UNC5C: variants seen among roughly 807,000 people sequenced by gnomAD.
UNC5C encodes unc-5 netrin receptor C.
A neutral mutation model predicts 99.8 loss-of-function variants in UNC5C; 47 were observed. The ratio of observed to expected loss-of-function variants is 0.47; its 90% confidence interval spans 0.37 to 0.60. The LOEUF (loss-of-function observed/expected upper bound fraction) is 0.60. Ranked by LOEUF, UNC5C falls within the 20% of genes least tolerant of loss-of-function variation. UNC5C has a pLI of 0.00. For synonymous variants in UNC5C, 487 were observed against 452.2 expected (o/e 1.08, Z -0.98); for missense variants, 1,062 against 1,165.9 (o/e 0.91, Z 1.30).
At chr4:95,491,152 G>C (rs1031166208) in intron 1 of UNC5C, among the ~76,000 whole-genome samples, 2 of 151,578 alleles carry the variant, frequency 1.3e-5, no homozygotes, top group Admixed American at 6.6e-5. Flanking sequence ...GGCCAAAAAA[G>C]TGGGTATATA....
chr4:95,548,846 A>G lies in UNC5C; in HGVS notation c.12T>C (p.Gly4=), dbSNP rs763567265. 6.2e-7 allele frequency: 1 copy of G among 1,612,902 alleles called. No individual in the cohort carries two copies. The highest frequency in any genetic ancestry group is 8.5e-7 in the Non-Finnish European group (1 of 1,179,844). ...CGCAGCGGGCCGCTGTCGCCCGCAG[A>G]CCTTTCCTCATCGTAGACAGAGGTG... MRK[G]LRATAARCGL... Residue 4 remains glycine, a synonymous_variant, in exon 1 of 16, where the codon GGT becomes GGC. Coordinates refer to ENST00000453304, the MANE Select transcript of UNC5C (RefSeq NM_003728.4).
intron 1 of UNC5C, among the ~76,000 whole-genome samples, chr4:95,342,773 T>A (rs1265824653): frequency 1.3e-5 from 2 of 151,178 alleles, no homozygotes; most frequent in Non-Finnish European, 3.0e-5. Flanking sequence ...TTTCTGAAAC[T>A]GCCCTGGGCC....
intron 1 of UNC5C, among the ~76,000 whole-genome samples, chr4:95,349,264 C>G (rs1018545146): frequency 1.4e-5 from 2 of 147,594 alleles, no homozygotes; most frequent in African/African-American, 5.0e-5. Context: ...TACTCTGAAC[C>G]CACAAAAATT....
At chr4:95,365,954 A>T (rs915175272) in intron 1 of UNC5C, among the ~76,000 whole-genome samples, 4 of 142,292 alleles carry the variant, frequency 2.8e-5, no homozygotes, top group Admixed American at 7.0e-5. Flanking sequence ...TTTTTTTTTT[A>T]AATCAAAATT....
chr4:95,408,372 T>C (rs1404258538), intron 1 of UNC5C, among the ~76,000 whole-genome samples: 1 of 152,200 alleles, frequency 6.6e-6, no homozygotes, highest in African/African-American at 2.4e-5. Flanking sequence ...AACTTTCCTT[T>C]TCTGTTCTGT....
intron 1 of UNC5C, among the ~76,000 whole-genome samples, chr4:95,392,660 C>T (rs6829578): frequency 0.16 from 24,155 of 151,610 alleles, 2,066 homozygotes; most frequent in South Asian, 0.17. Context: ...AGGCTGGTCT[C>T]GAACTGCTAA....
intron 1 of UNC5C, among the ~76,000 whole-genome samples, chr4:95,361,200 T>C (rs566905616): frequency 6.6e-6 from 1 of 152,198 alleles, no homozygotes; most frequent in African/African-American, 2.4e-5. Context: ...TGTGATAAAG[T>C]ACTGGATTTG....
chr4:95,496,791 G>T (rs1378914973), intron 1 of UNC5C, among the ~76,000 whole-genome samples: 1 of 151,750 alleles, frequency 6.6e-6, no homozygotes, highest in African/African-American at 2.4e-5. Flanking sequence ...TACCACCCAA[G>T]AAATGTACAC....
chr4:95,250,125 G>A lies in UNC5C; in HGVS notation c.775+362C>T, dbSNP rs189892145. Among the ~76,000 whole-genome samples the A allele has an allele frequency of 5.3e-5, 8 of 152,262 alleles. No individual in the cohort carries two copies. The East Asian group carries it at 7.7e-4, about 15-fold the overall frequency. On this transcript the variant is annotated intron_variant, in intron 5 of 15. Transcript: ENST00000453304. ...TAGAAGCTGACTGAGAAAGGGCTGA[G>A]GTTGTCTGAGCCTATCCTTTCATAT...
intron 15 of UNC5C, 88 bp from the exon 16 acceptor site, chr4:95,169,487 C>CT (rs1190787656): frequency 1.5e-5 from 22 of 1,457,932 alleles, no homozygotes; most frequent in Non-Finnish European, 2.0e-5. Context: ...CTCTACTTGT[C>CT]TTTAAGTTTC....
At chr4:95,265,955 C>T (rs1228617328) in intron 4 of UNC5C, among the ~76,000 whole-genome samples, 2 of 152,140 alleles carry the variant, frequency 1.3e-5, no homozygotes, top group South Asian at 4.1e-4. Flanking sequence ...ATTTAATTGC[C>T]TCTTCCCTAG....
chr4:95,214,000 C>CT (rs1250268934), intron 10 of UNC5C, among the ~76,000 whole-genome samples: 1 of 152,180 alleles, frequency 6.6e-6, no homozygotes, highest in African/African-American at 2.4e-5. Context: ...GAAACCTTGG[C>CT]TTTGGAACCC....
Position 95,292,236 on chromosome 4 carries a change from C to CATATAT in UNC5C, c.490+9364_490+9369dup, listed in dbSNP as rs71583696. On this transcript the variant is annotated intron_variant, in intron 3 of 15. Transcript: ENST00000453304. ...ATATATACACACACACACACACACA[C>CATATAT]ATATATATATATATATATATATATA... Among the ~76,000 whole-genome samples the CATATAT allele has an allele frequency of 7.1e-3, 630 of 88,688 alleles. 4 individuals are homozygous for CATATAT. Among genetic ancestry groups the CATATAT allele is most frequent in the Non-Finnish European group, 0.011 (500 of 43,854 alleles). 58.2% of individuals were successfully genotyped at this position (88,688 alleles called of 152,430 possible). A position where few individuals can be genotyped will look rare whatever the true frequency, so the allele number is the denominator to read the frequency against.
intron 10 of UNC5C, among the ~76,000 whole-genome samples, chr4:95,212,892 G>T (rs1409656298): frequency 6.6e-6 from 1 of 152,124 alleles, no homozygotes; most frequent in Non-Finnish European, 1.5e-5. Context: ...CATTCTCTCA[G>T]ACTGGGACCT....
At chr4:95,325,518 G>T (rs1391192287) in intron 2 of UNC5C, among the ~76,000 whole-genome samples, 1 of 152,084 alleles carries the variant, frequency 6.6e-6, no homozygotes, top group Non-Finnish European at 1.5e-5. Flanking sequence ...AATTTTTGGT[G>T]CCTGGATGGA....
chr4:95,529,310 G>A (rs1006195680), intron 1 of UNC5C, among the ~76,000 whole-genome samples: 1 of 146,086 alleles, frequency 6.8e-6, no homozygotes, highest in Non-Finnish European at 1.5e-5. Context: ...ATATTTATAT[G>A]TATATATGTG....
chr4:95,448,200 CTG>C (rs1190287531), intron 1 of UNC5C, among the ~76,000 whole-genome samples: 26 of 116,036 alleles, frequency 2.2e-4, no homozygotes, highest in South Asian at 6.2e-4. Context: ...GTGTGTGTCT[CTG>C]TGTGTGTGTG....
At chr4:95,345,457 A>G (rs1743736638) in intron 1 of UNC5C, among the ~76,000 whole-genome samples, 1 of 151,980 alleles carries the variant, frequency 6.6e-6, no homozygotes, top group Non-Finnish European at 1.5e-5. Context: ...ATCCAGATGG[A>G]AAACCAACAA....
intron 10 of UNC5C, among the ~76,000 whole-genome samples, chr4:95,213,918 C>T (rs997198478): frequency 6.6e-6 from 1 of 152,130 alleles, no homozygotes; most frequent in Non-Finnish European, 1.5e-5. Flanking sequence ...GAGGATGGCA[C>T]ATTAGGAAGC....
Sources: gnomAD v4.1 joint callset for allele counts (sites outside exome capture counted in the v4.1 genomes callset) on GRCh38, gnomAD v4.1.1 for gene constraint, MANE v1.5 for transcripts, NCBI Gene and HGNC (gene_info 2026-07-23, HGNC 2026-07-21) for gene names.